Variants in PRKAR2B observed in about 807,000 individuals in gnomAD.
PRKAR2B encodes the protein cAMP-dependent protein kinase type II-beta regulatory subunit.
A neutral mutation model predicts 49.9 loss-of-function variants in PRKAR2B; 14 were observed. The ratio of observed to expected loss-of-function variants is 0.28; its 90% confidence interval spans 0.19 to 0.44. The LOEUF (loss-of-function observed/expected upper bound fraction) is 0.44. PRKAR2B is among the 20% of genes least tolerant of loss of function. The pLI, the probability that PRKAR2B is intolerant of heterozygous loss-of-function variation, is 1.00. For missense variants in PRKAR2B, 393 were observed against 537.9 expected (o/e 0.73, Z 2.67); for synonymous variants, 196 against 197.7 (o/e 0.99, Z 0.07).
intron 2 of PRKAR2B, among the ~76,000 whole-genome samples, chr7:107,076,813 A>C (rs149613682): frequency 6.6e-6 from 1 of 152,234 alleles, no homozygotes; most frequent in Non-Finnish European, 1.5e-5. Context: ...TTAAATTTCA[A>C]TCTCACACAC....
At chr7:107,057,989 C>A (rs1204899055) in intron 1 of PRKAR2B, among the ~76,000 whole-genome samples, 1 of 151,356 alleles carries the variant, frequency 6.6e-6, no homozygotes, top group Non-Finnish European at 1.5e-5. Context: ...TAAAAACTTG[C>A]AGTTCTTTAA....
At chr7:107,045,320 G>T (rs907092963) in intron 1 of PRKAR2B, 106 bp downstream of exon 1, 6 of 964,418 alleles carry the variant, frequency 6.2e-6, no homozygotes, top group African/African-American at 3.7e-5. Context: ...ACCTCTCCCC[G>T]CATTCTCCAC....
At chr7:107,050,718 G>T (rs1032699805) in intron 1 of PRKAR2B, among the ~76,000 whole-genome samples, 3 of 152,164 alleles carry the variant, frequency 2.0e-5, no homozygotes, top group African/African-American at 7.2e-5. Context: ...CTTTAGAAGT[G>T]TGGAGAATCA....
chr7:107,149,683 T>G (rs1261580137), intron 6 of PRKAR2B, among the ~76,000 whole-genome samples: 1 of 152,128 alleles, frequency 6.6e-6, no homozygotes, highest in Non-Finnish European at 1.5e-5. Flanking sequence ...TCAGTTGCAG[T>G]CCATCACACC....
intron 1 of PRKAR2B, among the ~76,000 whole-genome samples, chr7:107,065,350 G>A (rs1028630115): frequency 5.3e-5 from 8 of 150,814 alleles, no homozygotes; most frequent in South Asian, 4.2e-4. Context: ...GTGTGTGTGT[G>A]TGTGTGTGTG....
chr7:107,046,212 G>A (rs1399982382), intron 1 of PRKAR2B, among the ~76,000 whole-genome samples: 1 of 152,006 alleles, frequency 6.6e-6, no homozygotes, highest in Non-Finnish European at 1.5e-5. Context: ...TCATTTTTAT[G>A]GCAACCCAAG....
intron 2 of PRKAR2B, among the ~76,000 whole-genome samples, chr7:107,120,081 C>G (rs1584438695): frequency 6.6e-6 from 1 of 152,124 alleles, no homozygotes; most frequent in Admixed American, 6.5e-5. Context: ...TTTCATCTGT[C>G]AAGTGATGAC....
At position 107,074,761 on chromosome 7, in the gene PRKAR2B, G is replaced by A. The variant is rs114035471; in HGVS notation, c.343+4445G>A. 3.8e-3 allele frequency among the ~76,000 whole-genome samples: 574 copies of A among 152,186 alleles called. 7 individuals carry two copies. Among genetic ancestry groups the A allele is most frequent in the African/African-American group, 0.013 (546 of 41,520 alleles). On this transcript the variant is annotated intron_variant, in intron 2 of 10. Transcript: ENST00000265717. ...TGCAGTGAGCTGAGATTGCGCCACC[G>A]TACTCCAGCCTGAGCGACAGAGGGG...
chr7:107,127,037 G>T (rs79973703), intron 3 of PRKAR2B, among the ~76,000 whole-genome samples: 16,818 of 152,194 alleles, frequency 0.11, 1,059 homozygotes, highest in Middle Eastern at 0.17. Flanking sequence ...AAATAGTTTA[G>T]CAATACTATA....
intron 1 of PRKAR2B, among the ~76,000 whole-genome samples, chr7:107,064,723 A>G (rs1794099372): frequency 6.6e-6 from 1 of 152,230 alleles, no homozygotes. Flanking sequence ...AGAAATACAT[A>G]GTATTTCAAG....
chr7:107,124,210 C>A (rs1178586942), intron 3 of PRKAR2B, among the ~76,000 whole-genome samples: 2 of 152,044 alleles, frequency 1.3e-5, no homozygotes, highest in African/African-American at 4.8e-5. Flanking sequence ...GTTGGAATGC[C>A]TTTAATAAAT....
intron 10 of PRKAR2B, among the ~76,000 whole-genome samples, chr7:107,158,052 G>C (rs1029712369): frequency 2.0e-5 from 3 of 152,168 alleles, no homozygotes; most frequent in Non-Finnish European, 2.9e-5. Flanking sequence ...TCTTAGAGAA[G>C]TCATTCTTTA....
chr7:107,069,982 T>A, intron 1 of PRKAR2B: 1 of 201,318 alleles, frequency 5.0e-6, no homozygotes, highest in Non-Finnish European at 1.0e-5. Context: ...AATTGTTGTT[T>A]AAAGGTATTG....
chr7:107,159,175 T>C (rs1243895433), intron 10 of PRKAR2B, among the ~76,000 whole-genome samples: 1 of 152,186 alleles, frequency 6.6e-6, no homozygotes, highest in Non-Finnish European at 1.5e-5. Context: ...TAGTCCCTCA[T>C]TCTTTTCTCA....
chr7:107,114,624 C>A (rs1233824382), intron 2 of PRKAR2B, among the ~76,000 whole-genome samples: 3 of 151,144 alleles, frequency 2.0e-5, no homozygotes, highest in African/African-American at 7.3e-5. Context: ...CCTGCCTTGG[C>A]CTCCTAAAGT....
At chr7:107,153,582 G>GATC (rs1562873180) in intron 8 of PRKAR2B, among the ~76,000 whole-genome samples, 5 of 152,146 alleles carry the variant, frequency 3.3e-5, no homozygotes, top group Admixed American at 6.5e-5. Context: ...AAATTCTATA[G>GATC]AGTTTTGCAT....
intron 6 of PRKAR2B, among the ~76,000 whole-genome samples, chr7:107,148,171 C>T (rs904256572): frequency 1.3e-5 from 2 of 152,208 alleles, no homozygotes; most frequent in African/African-American, 4.8e-5. Flanking sequence ...TCTTTGTCTG[C>T]CTGTAATTAA....
intron 2 of PRKAR2B, among the ~76,000 whole-genome samples, chr7:107,106,589 C>T (rs1795077959): frequency 6.6e-6 from 1 of 152,228 alleles, no homozygotes; most frequent in Non-Finnish European, 1.5e-5. Context: ...CTCCCTCCAT[C>T]TCCATCAGCT....
intron 2 of PRKAR2B, among the ~76,000 whole-genome samples, chr7:107,120,713 T>C (rs887994525): frequency 2.0e-5 from 3 of 152,094 alleles, no homozygotes; most frequent in Admixed American, 2.0e-4. Context: ...TAATGTTGGG[T>C]TTAAAACACA....
Sources: gnomAD v4.1 joint callset for allele counts (sites outside exome capture counted in the v4.1 genomes callset) on GRCh38, gnomAD v4.1.1 for gene constraint, MANE v1.5 for transcripts, NCBI Gene and HGNC (gene_info 2026-07-23, HGNC 2026-07-21) for gene names.